APOL5: variants seen among roughly 807,000 people sequenced by gnomAD.
The protein encoded by APOL5 is apolipoprotein L, 5.
In APOL5, 29 loss-of-function variants were observed where a neutral mutation model predicts 35.5. The ratio of observed to expected loss-of-function variants is 0.82; its 90% CI spans 0.61 to 1.11. The LOEUF is 1.11. Among genes scored for constraint, APOL5 ranks in the 50% most tolerant of loss-of-function variants. The pLI, the probability that APOL5 is intolerant of heterozygous loss-of-function variation, is 0.00. For missense variants in APOL5, 514 were observed against 530.4 expected (o/e 0.97, Z 0.30); for synonymous variants, 188 against 200.2 (o/e 0.94, Z 0.51).
At chr22:35,725,773 C>G (rs760291374) in intron 2 of APOL5, among the ~76,000 whole-genome samples, 12 of 152,158 alleles carry the variant, frequency 7.9e-5, no homozygotes, top group Non-Finnish European at 1.6e-4. Flanking sequence ...ATATCTCGAG[C>G]ACTCATGTTA....
chr22:35,717,168 T>G (rs899912440), upstream of APOL5, among the ~76,000 whole-genome samples: 1 of 142,306 alleles, frequency 7.0e-6, no homozygotes, highest in African/African-American at 2.7e-5. Flanking sequence ...GGTGGATTGT[T>G]TGAGCTCAGG....
upstream of APOL5, among the ~76,000 whole-genome samples, chr22:35,713,126 T>C (rs1233189918): frequency 4.6e-5 from 7 of 152,234 alleles, no homozygotes; most frequent in Non-Finnish European, 1.0e-4. Context: ...ATCAACATCT[T>C]CTCTCCTCTT....
In APOL5 at chr22:35,726,005, G is replaced by C. The variant is rs1601899103; in HGVS notation, c.143-206G>C. Among the ~76,000 whole-genome samples the C allele has an allele frequency of 2.6e-5, 4 of 152,180 alleles. No homozygotes were observed. The South Asian group carries it at 8.3e-4, about 32-fold the overall frequency. Reference sequence around the variant, plus strand: ...AACTATAAACTAAGTTCTTCCCAAAGTTAGTTCAGCTTATGCCCAGAAGAA... The same window carrying C: ...AACTATAAACTAAGTTCTTCCCAAACTTAGTTCAGCTTATGCCCAGAAGAA... On this transcript the variant is annotated intron_variant, in intron 2 of 4. Coordinates refer to ENST00000249044, the MANE Select transcript of APOL5 (RefSeq NM_030642.1).
upstream of APOL5, among the ~76,000 whole-genome samples, chr22:35,716,861 T>G (rs1926760281): frequency 6.6e-6 from 1 of 151,936 alleles, no homozygotes; most frequent in Admixed American, 6.6e-5. Context: ...GCCTCGTTCC[T>G]TTTCACATCC....
intron 2 of APOL5, among the ~76,000 whole-genome samples, chr22:35,724,127 A>G (rs1477900530): frequency 1.3e-5 from 2 of 151,240 alleles, no homozygotes; most frequent in African/African-American, 4.8e-5. Context: ...ATTATCATAC[A>G]TGCATTTGAC....
chr22:35,723,911 C>T (rs544545155), intron 2 of APOL5, among the ~76,000 whole-genome samples: 7 of 152,252 alleles, frequency 4.6e-5, no homozygotes, highest in African/African-American at 1.7e-4. Context: ...GAGCCGAGAT[C>T]GCGCCACTGC....
chr22:35,714,178 G>A (rs1035981239), upstream of APOL5, among the ~76,000 whole-genome samples: 20 of 152,136 alleles, frequency 1.3e-4, no homozygotes, highest in African/African-American at 4.6e-4. Context: ...CAGGCGTGGT[G>A]GTGCGCACCT....
rs1169440813 is a variant in APOL5 at position 35,727,086 on chromosome 22, C to T, written c.1018C>T (p.Leu340=). 6.2e-7 allele frequency: 1 copy of T among 1,612,436 alleles called. No homozygotes were observed. The highest frequency in any genetic ancestry group is 8.5e-7 in the Non-Finnish European group (1 of 1,180,012). The change falls in exon 3 of 5, where the codon CTG becomes TTG. Residue 340 remains leucine (L), a synonymous_variant. Coordinates refer to ENST00000249044, the MANE Select transcript of APOL5 (RefSeq NM_030642.1). The part of the protein sequence containing the change: ...RALAKKLEQE[L]DRLTQHHRHL... ...ACTTGCTAAGAAGCTGGAGCAGGAG[C>T]TGGACCGGCTCACCCAGCACCACCG...
At chr22:35,719,547 G>A (rs5999973) in intron 1 of APOL5, among the ~76,000 whole-genome samples, 102,558 of 152,206 alleles carry the variant, frequency 0.67, 35,097 homozygotes, top group African/African-American at 0.77. Flanking sequence ...TCATTGTGTT[G>A]TTGGATGATT....
At chr22:35,720,546 C>A (rs76678345) in intron 1 of APOL5, 22 bp from the exon 2 acceptor site, 14 of 1,612,240 alleles carry the variant, frequency 8.7e-6, no homozygotes, top group Non-Finnish European at 1.2e-5. Context: ...AAGAAATGTC[C>A]CTGATCCTTG....
chr22:35,722,306 G>A (rs557433884), intron 2 of APOL5, among the ~76,000 whole-genome samples: 1 of 152,196 alleles, frequency 6.6e-6, no homozygotes, highest in African/African-American at 2.4e-5. Flanking sequence ...GGTTGAGGCA[G>A]ACTAGAGGCT....
At position 35,727,197 on chromosome 22, in the gene APOL5, A is replaced by T; in HGVS notation, c.1126+3A>T. 1.9e-6 allele frequency: 3 copies of T among 1,593,484 alleles called. No individual in the cohort carries two copies. The highest frequency in any genetic ancestry group is 2.6e-6 in the Non-Finnish European group (3 of 1,175,614). On this transcript the variant is annotated splice_donor_region_variant and intron_variant, in intron 3 of 4. Transcript: ENST00000249044. ...ATCCCGTGTGGTTAAACCAGAAGGT[A>T]GGAAGGCAGCGAATAACACGGACGT... is the stretch of plus-strand genomic sequence containing the variant.
chr22:35,711,045 C>A, the APOL5 span, among the ~76,000 whole-genome samples: 3 of 152,126 alleles, frequency 2.0e-5, no homozygotes, highest in African/African-American at 7.2e-5. Context: ...GGCACATGCC[C>A]GTAATCCCCA....
chr22:35,726,829 G>T lies in APOL5; in HGVS notation c.761G>T (p.Gly254Val), dbSNP rs778846602. 8 of 1,614,176 alleles carry T rather than the reference G, an allele frequency of 5.0e-6. No homozygotes were observed. The stretch of plus-strand genomic sequence containing the variant: ...TACCAGATGGCCAAATCCAACTCTG[G>T]CTTCATGGCTATGGTCAAGAATTTT... ...HAYQMAKSNSGFMAMVKNFVA... is the reference protein window; with the variant it reads ...HAYQMAKSNSVFMAMVKNFVA... Residue 254 changes from glycine to valine, a missense_variant, in exon 3 of 5, where the codon GGC becomes GTC. Physicochemically the swap from Gly to Val is moderately radical, Grantham distance 109. Around this residue, in one of 3 missense-constraint regions of APOL5, gnomAD observed 238 missense variants for 229.1 expected, o/e 1.04. Coordinates refer to ENST00000249044, the MANE Select transcript of APOL5 (RefSeq NM_030642.1).
At chr22:35,722,796 CT>C (rs1169833502) in intron 2 of APOL5, among the ~76,000 whole-genome samples, 8 of 152,158 alleles carry the variant, frequency 5.3e-5, no homozygotes, top group Admixed American at 3.3e-4. Flanking sequence ...CCCAAAGAGC[CT>C]AGATGTGTCA....
At chr22:35,720,687 G>GC in intron 2 of APOL5, 33 bp downstream of exon 2, 1 of 1,451,796 alleles carries the variant, frequency 6.9e-7, no homozygotes, top group Non-Finnish European at 9.6e-7. Context: ...TATGCTTATG[G>GC]CCACAATCCC....
At chr22:35,713,469 T>C (rs537985347), upstream of APOL5, among the ~76,000 whole-genome samples, 6 of 152,232 alleles carry the variant, frequency 3.9e-5, no homozygotes, top group African/African-American at 1.4e-4. Context: ...GTTTCCCAGC[T>C]CCAGCCTCAG....
chr22:35,728,783 T>G lies in APOL5; in HGVS notation c.1187T>G (p.Val396Gly), dbSNP rs1217488467. The G allele has an allele frequency of 1.2e-6, 2 of 1,613,486 alleles. No homozygotes were observed. The highest frequency in any genetic ancestry group is 4.5e-5 in the East Asian group (2 of 44,832). The change falls in exon 4 of 5, where the codon GTG becomes GGG. Residue 396 changes from valine (V) to glycine (G), a missense_variant. Physicochemically the swap from Val to Gly is moderately radical, Grantham distance 109 (BLOSUM62 -3). This residue lies in a region of APOL5 where 238 missense variants were observed against 229.1 expected (regional missense o/e 1.04). Transcript: ENST00000249044. ...CACCAGCCTAGGCTGGGCCCTGGCG[T>G]GGCACTGAGGACACCAAAGAGGACA... ...VEHQPRLGPG[V>G]ALRTPKRTVS...
At chr22:35,718,617 A>T (rs1353033754) in intron 1 of APOL5, among the ~76,000 whole-genome samples, 1 of 138,634 alleles carries the variant, frequency 7.2e-6, no homozygotes, top group Non-Finnish European at 1.6e-5. Context: ...AAAAAAAAAA[A>T]GACGCCAAAG....
Sources: gnomAD v4.1 joint callset for allele counts (sites outside exome capture counted in the v4.1 genomes callset) on GRCh38, gnomAD v4.1.1 for gene constraint, gnomAD v4.1.1 regional missense constraint, MANE v1.5 for transcripts, NCBI Gene and HGNC (gene_info 2026-07-23, HGNC 2026-07-21) for gene names.